CTNNBL1: variants seen among roughly 807,000 people sequenced by gnomAD.
The protein encoded by CTNNBL1 is catenin beta like 1.
Under a neutral mutation model 72.7 loss-of-function variants are expected in CTNNBL1, and 31 were observed. The ratio of observed to expected loss-of-function variants is 0.43; its 90% confidence interval spans 0.32 to 0.58. CTNNBL1 has a LOEUF of 0.58. CTNNBL1 is among the 20% of genes least tolerant of loss of function. CTNNBL1 has a pLI of 0.08. For missense variants in CTNNBL1, 534 were observed against 725.1 expected (o/e 0.74, Z 3.03); for synonymous variants, 240 against 267.3 (o/e 0.90, Z 1.00).
At chr20:37,727,306 A>G (rs2073093186) in intron 1 of CTNNBL1, 4 of 982,470 alleles carry the variant, frequency 4.1e-6, no homozygotes, top group South Asian at 4.7e-5. Context: ...TTTCAGGGGC[A>G]TGGATGGAGA....
At position 37,872,057 on chromosome 20, in the gene CTNNBL1, C is replaced by T; in HGVS notation, c.*44C>T. Reference sequence around the variant, plus strand: ...CATCATGGACTCTCTCAGCTTCCCTCCCAGGATCAGTTTCTACACAACTCT... The same window carrying T: ...CATCATGGACTCTCTCAGCTTCCCTTCCAGGATCAGTTTCTACACAACTCT... On this transcript the variant is annotated 3_prime_UTR_variant, in exon 16 of 16. Coordinates refer to ENST00000361383, the MANE Select transcript of CTNNBL1 (RefSeq NM_030877.5). 1 of 1,499,342 alleles carries T rather than the reference C, an allele frequency of 6.7e-7. No individual in the cohort carries two copies. The highest frequency in any genetic ancestry group is 9.3e-7 in the Non-Finnish European group (1 of 1,075,730). 92.9% of individuals were successfully genotyped at this position (1,499,342 alleles called of 1,614,324 possible).
At chr20:37,815,200 G>T (rs879597732) in intron 11 of CTNNBL1, among the ~76,000 whole-genome samples, 1 of 151,946 alleles carries the variant, frequency 6.6e-6, no homozygotes, top group Non-Finnish European at 1.5e-5. Flanking sequence ...AATACAGTTA[G>T]GAGCTAGACT....
At chr20:37,770,364 G>A (rs1238925526) in intron 7 of CTNNBL1, among the ~76,000 whole-genome samples, 1 of 152,204 alleles carries the variant, frequency 6.6e-6, no homozygotes, top group Admixed American at 6.5e-5. Context: ...GAGTTTTAAG[G>A]GGATGGCGTA....
At chr20:37,868,797 G>C (rs953922431) in intron 15 of CTNNBL1, among the ~76,000 whole-genome samples, 1 of 152,152 alleles carries the variant, frequency 6.6e-6, no homozygotes, top group Non-Finnish European at 1.5e-5. Context: ...TTTACTGTTG[G>C]AAAATCACTG....
intron 11 of CTNNBL1, among the ~76,000 whole-genome samples, chr20:37,817,967 A>G (rs529961439): frequency 1.3e-5 from 2 of 152,312 alleles, no homozygotes; most frequent in African/African-American, 4.8e-5. Context: ...AAAGTCCCAG[A>G]TGACAGAAAG....
At position 37,710,857 on chromosome 20, in the gene CTNNBL1, G is replaced by C. The variant is rs553866100; in HGVS notation, c.30+16705G>C. The stretch of plus-strand genomic sequence containing the variant: ...GACCCTGTATGTTTGTTCTTCACCA[G>C]TTTATGCCTCTGCTCACTTCTTGTC... On this transcript the variant is annotated intron_variant, in intron 1 of 15. Coordinates refer to ENST00000361383, the MANE Select transcript of CTNNBL1 (RefSeq NM_030877.5). Among the ~76,000 whole-genome samples the C allele has an allele frequency of 2.6e-5, 4 of 152,272 alleles. No homozygotes were observed. The East Asian group carries it at 7.7e-4, about 29-fold the overall frequency.
intron 15 of CTNNBL1, among the ~76,000 whole-genome samples, chr20:37,867,151 T>C (rs922204054): frequency 2.0e-5 from 3 of 152,208 alleles, no homozygotes; most frequent in Non-Finnish European, 4.4e-5. Context: ...CCAAGTTCAT[T>C]GTTGTTGTCA....
At chr20:37,777,737 C>T (rs375038679) in intron 9 of CTNNBL1, 25 bp downstream of exon 9, 5 of 1,609,620 alleles carry the variant, frequency 3.1e-6, no homozygotes, top group Non-Finnish European at 4.3e-6. Flanking sequence ...TGCTTCCTGT[C>T]TGCTGTAAGA....
intron 1 of CTNNBL1, among the ~76,000 whole-genome samples, chr20:37,717,726 C>T (rs1415432529): frequency 6.6e-6 from 1 of 151,828 alleles, no homozygotes; most frequent in East Asian, 1.9e-4. Context: ...ACAAAGGTCT[C>T]TGGTTTTCCT....
intron 3 of CTNNBL1, among the ~76,000 whole-genome samples, chr20:37,741,838 AG>A (rs2073218576): frequency 6.6e-6 from 1 of 152,184 alleles, no homozygotes; most frequent in Non-Finnish European, 1.5e-5. Flanking sequence ...CCCTGCTTGC[AG>A]TTTTATTCTC....
At chr20:37,757,476 A>G in intron 4 of CTNNBL1, 83 bp from the exon 5 acceptor site, 8 of 895,372 alleles carry the variant, frequency 8.9e-6, no homozygotes, top group Middle Eastern at 2.2e-4. Context: ...AAAGCAATTG[A>G]TGAGGAAACG....
chr20:37,777,706 G>GTT lies in CTNNBL1; in HGVS notation c.877_878dup (p.Leu293PhefsTer18), dbSNP rs2073588471. On this transcript the variant is annotated frameshift_variant, in exon 9 of 16. Transcript: ENST00000361383. LOFTEE classifies it high-confidence loss of function. ...ATGGAATCGATGTGCTTCTTCAGCAGTTATCCGTGAGTAATTCTTATGCTT... is the reference window on the plus strand; with the variant it reads ...ATGGAATCGATGTGCTTCTTCAGCAGTTTTATCCGTGAGTAATTCTTATGCTT... The GTT allele has an allele frequency of 6.2e-7, 1 of 1,613,650 alleles. No homozygotes were observed. Among genetic ancestry groups the GTT allele is most frequent in the African/African-American group, 1.3e-5 (1 of 74,992 alleles).
chr20:37,869,113 A>T (rs1356862003), intron 15 of CTNNBL1, among the ~76,000 whole-genome samples: 2 of 152,204 alleles, frequency 1.3e-5, no homozygotes, highest in African/African-American at 4.8e-5. Context: ...TTGCTGTTGG[A>T]GGTGATGGAT....
intron 11 of CTNNBL1, among the ~76,000 whole-genome samples, chr20:37,809,508 G>A (rs1286034165): frequency 6.6e-6 from 1 of 152,150 alleles, no homozygotes; most frequent in Non-Finnish European, 1.5e-5. Context: ...TGAAATCATG[G>A]CTTTAGGTCA....
At chr20:37,792,486 T>C (rs1275237339) in intron 10 of CTNNBL1, among the ~76,000 whole-genome samples, 1 of 152,196 alleles carries the variant, frequency 6.6e-6, no homozygotes, top group Non-Finnish European at 1.5e-5. Flanking sequence ...TAATCTTCAT[T>C]ATTTATTTTC....
intron 2 of CTNNBL1, among the ~76,000 whole-genome samples, chr20:37,735,265 C>A (rs574377794): frequency 4.3e-4 from 65 of 152,176 alleles, no homozygotes; most frequent in African/African-American, 1.6e-3. Flanking sequence ...CACTGAGTAC[C>A]TGCTGTGTGC....
At chr20:37,868,417 G>A (rs2072555318) in intron 15 of CTNNBL1, among the ~76,000 whole-genome samples, 1 of 152,118 alleles carries the variant, frequency 6.6e-6, no homozygotes, top group Admixed American at 6.5e-5. Flanking sequence ...TAGGGATGGT[G>A]TTCTTTACCT....
chr20:37,839,986 G>A, intron 11 of CTNNBL1, 116 bp from the exon 12 acceptor site: 1 of 665,178 alleles, frequency 1.5e-6, no homozygotes, highest in South Asian at 1.8e-5. Flanking sequence ...TTAATCAATA[G>A]CAGCAGTCAG....
intron 11 of CTNNBL1, among the ~76,000 whole-genome samples, chr20:37,827,227 C>T (rs1167961083): frequency 6.6e-6 from 1 of 152,134 alleles, no homozygotes; most frequent in Non-Finnish European, 1.5e-5. Flanking sequence ...ATTTATTTTT[C>T]CATTCTTCCT....
Sources: allele counts gnomAD v4.1 joint callset (sites outside exome capture counted in the v4.1 genomes callset), GRCh38; gene constraint gnomAD v4.1.1; transcripts MANE v1.5; gene names NCBI Gene and HGNC (gene_info 2026-07-23, HGNC 2026-07-21).